CDH4: variants seen among roughly 807,000 people sequenced by gnomAD.
CDH4 encodes cadherin 4.
CDH4 carries 33 observed loss-of-function variants against 86.0 expected under a neutral mutation model. The observed-to-expected ratio is 0.38, with a 90% confidence interval of 0.29 to 0.51. The LOEUF is 0.51. CDH4 is among the 20% of genes least tolerant of loss of function. The probability of loss-of-function intolerance (pLI) is 0.86; values close to 1 mark genes in which losing one functional copy is unlikely to be tolerated. For synonymous variants in CDH4, 555 were observed against 549.4 expected, an observed-to-expected ratio of 1.01 and a Z score of -0.14; for missense variants, 1,114 against 1,307.4, an observed-to-expected ratio of 0.85 and a Z score of 2.28.
chr20:61,755,779 C>T (rs1235213840), intron 3 of CDH4, among the ~76,000 whole-genome samples: 2 of 151,790 alleles, frequency 1.3e-5, no homozygotes, highest in Non-Finnish European at 2.9e-5. Context: ...CACATATACA[C>T]ACCACACACA....
chr20:61,489,101 G>T (rs1472733664), intron 2 of CDH4, among the ~76,000 whole-genome samples: 1 of 152,140 alleles, frequency 6.6e-6, no homozygotes, highest in Non-Finnish European at 1.5e-5. Context: ...TATTAAGTCT[G>T]GGCAACCCCA....
At chr20:61,656,724 A>G (rs552518393) in intron 2 of CDH4, among the ~76,000 whole-genome samples, 291 of 152,304 alleles carry the variant, frequency 1.9e-3, no homozygotes, top group Middle Eastern at 3.4e-3. Flanking sequence ...CTCTCCTCCC[A>G]GGATCGTCCC....
chr20:61,569,122 C>T (rs1032698774), intron 2 of CDH4, among the ~76,000 whole-genome samples: 2 of 152,190 alleles, frequency 1.3e-5, no homozygotes, highest in African/African-American at 2.4e-5. Context: ...ACTTGTCCTG[C>T]TGTGGGTGAG....
Position 61,540,503 on chromosome 20 carries a change from C to A in CDH4, c.170-203060C>A, listed in dbSNP as rs189590336. Reference sequence around the variant, plus strand: ...CAAGGTGGTGCCTTCTGTCACATAACTTCAGGGGCTGGTCTTGGGGTTTAG... The same window carrying A: ...CAAGGTGGTGCCTTCTGTCACATAAATTCAGGGGCTGGTCTTGGGGTTTAG... On this transcript the variant is annotated intron_variant, in intron 2 of 15. Coordinates refer to ENST00000614565, the MANE Select transcript of CDH4 (RefSeq NM_001794.5). Among the ~76,000 whole-genome samples the A allele has an allele frequency of 5.9e-4, 90 of 152,234 alleles. 2 individuals carry two copies. In the East Asian group the frequency reaches 0.016, roughly 26 times the overall value.
intron 2 of CDH4, among the ~76,000 whole-genome samples, chr20:61,353,092 C>G (rs908951099): frequency 2.0e-5 from 3 of 152,166 alleles, no homozygotes; most frequent in African/African-American, 4.8e-5. Context: ...CTCGCCTGCC[C>G]GACTCTGTCC....
intron 2 of CDH4, among the ~76,000 whole-genome samples, chr20:61,288,343 G>A (rs2123178502): frequency 6.6e-6 from 1 of 152,310 alleles, no homozygotes; most frequent in Admixed American, 6.5e-5. Context: ...TTCGCTCTTG[G>A]CAGACAACCT....
intron 2 of CDH4, among the ~76,000 whole-genome samples, chr20:61,395,678 G>A (rs553752158): frequency 6.6e-6 from 1 of 152,204 alleles, no homozygotes; most frequent in African/African-American, 2.4e-5. Context: ...TACTCCAGGG[G>A]CTGAGGTGGG....
chr20:61,809,287 G>T (rs1426778954), intron 4 of CDH4, among the ~76,000 whole-genome samples: 1 of 152,054 alleles, frequency 6.6e-6, no homozygotes, highest in Non-Finnish European at 1.5e-5. Flanking sequence ...GTGGTCCCGG[G>T]GATGGTCAGC....
chr20:61,347,244 G>A (rs955188738), intron 2 of CDH4, among the ~76,000 whole-genome samples: 6 of 152,232 alleles, frequency 3.9e-5, no homozygotes, highest in Non-Finnish European at 4.4e-5. Context: ...GTGACAGCCC[G>A]TGCCGCTGCC....
intron 2 of CDH4, among the ~76,000 whole-genome samples, chr20:61,691,870 C>T (rs887787605): frequency 3.3e-5 from 5 of 152,122 alleles, no homozygotes; most frequent in African/African-American, 1.2e-4. Context: ...GCACACCTGT[C>T]TATGTGTGTA....
intron 2 of CDH4, among the ~76,000 whole-genome samples, chr20:61,611,692 T>C (rs954735842): frequency 1.3e-5 from 2 of 152,134 alleles, no homozygotes; most frequent in Non-Finnish European, 2.9e-5. Context: ...ATGTCTTGGT[T>C]GCACGCTCAG....
chr20:61,761,075 G>T (rs1002080522), intron 3 of CDH4, among the ~76,000 whole-genome samples: 8 of 152,142 alleles, frequency 5.3e-5, no homozygotes, highest in African/African-American at 1.9e-4. Context: ...TGTTTTCGGG[G>T]AAGCAAAATG....
At chr20:61,514,706 G>A (rs11699835) in intron 2 of CDH4, among the ~76,000 whole-genome samples, 16,036 of 152,292 alleles carry the variant, frequency 0.11, 1,015 homozygotes, top group Non-Finnish European at 0.14. Context: ...CTGGTAATAA[G>A]TACATGGACA....
chr20:61,774,463 C>T (rs868042260), intron 4 of CDH4, among the ~76,000 whole-genome samples: 4 of 152,202 alleles, frequency 2.6e-5, no homozygotes, highest in Non-Finnish European at 4.4e-5. Context: ...TTCTTGCATC[C>T]GGCCATTGCT....
chr20:61,621,567 T>A (rs573465670), intron 2 of CDH4, among the ~76,000 whole-genome samples: 1 of 152,150 alleles, frequency 6.6e-6, no homozygotes, highest in Admixed American at 6.5e-5. Flanking sequence ...TCACCGTCCT[T>A]CTCCGGGAGA....
At chr20:61,720,449 G>A (rs1237460466) in intron 2 of CDH4, among the ~76,000 whole-genome samples, 1 of 149,764 alleles carries the variant, frequency 6.7e-6, no homozygotes, top group African/African-American at 2.5e-5. Context: ...ATGTAGGGGT[G>A]CAGAGTGGAG....
At chr20:61,336,695 T>C (rs1044497616) in intron 2 of CDH4, among the ~76,000 whole-genome samples, 1 of 152,160 alleles carries the variant, frequency 6.6e-6, no homozygotes, top group African/African-American at 2.4e-5. Context: ...AGATTGTCAA[T>C]GTAGATTCTC....
intron 2 of CDH4, among the ~76,000 whole-genome samples, chr20:61,668,537 G>A (rs1436242918): frequency 1.3e-5 from 2 of 152,220 alleles, no homozygotes; most frequent in Non-Finnish European, 2.9e-5. Flanking sequence ...GAGTCTGATG[G>A]TGCTGGGTTG....
chr20:61,465,996 G>A (rs542599555), intron 2 of CDH4, among the ~76,000 whole-genome samples: 2 of 152,016 alleles, frequency 1.3e-5, no homozygotes, highest in African/African-American at 2.4e-5. Flanking sequence ...GAATGGCCAG[G>A]CAATGAGATT....
Sources: gnomAD v4.1 joint callset for allele counts (sites outside exome capture counted in the v4.1 genomes callset) on GRCh38, gnomAD v4.1.1 for gene constraint, MANE v1.5 for transcripts, NCBI Gene and HGNC (gene_info 2026-07-23, HGNC 2026-07-21) for gene names.